The following STPG2 variants were observed in gnomAD, a reference collection of about 807,000 sequenced individuals.
STPG2 encodes sperm-tail PG-rich repeat-containing protein 2.
Under a neutral mutation model 54.2 loss-of-function variants are expected in STPG2, and 56 were observed. The observed-to-expected ratio is 1.03, with a 90% CI of 0.83 to 1.29. STPG2 has a LOEUF of 1.29. Ranked by LOEUF, STPG2 falls within the 50% of genes most tolerant of loss-of-function variation. The probability of loss-of-function intolerance (pLI) is 0.00; values close to 1 mark genes in which losing one functional copy is unlikely to be tolerated. For missense variants in STPG2, 596 were observed against 544.9 expected, an observed-to-expected ratio of 1.09 and a Z score of -0.93; for synonymous variants, 200 against 181.8, an observed-to-expected ratio of 1.10 and a Z score of -0.81.
chr4:97,679,220 G>A (rs1353862130), intron 10 of STPG2, among the ~76,000 whole-genome samples: 1 of 152,174 alleles, frequency 6.6e-6, no homozygotes, highest in African/African-American at 2.4e-5. Context: ...CACAATGGTT[G>A]AACTACTTTA....
At chr4:97,854,168 A>G (rs1360799299) in intron 8 of STPG2, among the ~76,000 whole-genome samples, 1 of 152,204 alleles carries the variant, frequency 6.6e-6, no homozygotes, top group Non-Finnish European at 1.5e-5. Flanking sequence ...AACAACAAAC[A>G]TTTATAGTCT....
At chr4:97,654,865 C>A (rs906762721) in intron 10 of STPG2, among the ~76,000 whole-genome samples, 1 of 151,852 alleles carries the variant, frequency 6.6e-6, no homozygotes, top group Non-Finnish European at 1.5e-5. Context: ...AAATACTGTA[C>A]AGATTAAAAA....
At chr4:97,931,394 G>A (rs1424334752) in intron 8 of STPG2, among the ~76,000 whole-genome samples, 1 of 152,154 alleles carries the variant, frequency 6.6e-6, no homozygotes, top group Non-Finnish European at 1.5e-5. Flanking sequence ...TTAACATGCA[G>A]GCATGTTGAA....
At chr4:98,080,500 C>G (rs1271685305) in intron 5 of STPG2, among the ~76,000 whole-genome samples, 1 of 152,154 alleles carries the variant, frequency 6.6e-6, no homozygotes, top group Non-Finnish European at 1.5e-5. Context: ...GTACCCATGA[C>G]TAAACTTCAT....
At chr4:98,086,010 A>C (rs1181587591) in intron 5 of STPG2, among the ~76,000 whole-genome samples, 1 of 152,148 alleles carries the variant, frequency 6.6e-6, no homozygotes, top group East Asian at 1.9e-4. Flanking sequence ...AAAAAAATTT[A>C]AAACAGAATT....
intron 9 of STPG2, among the ~76,000 whole-genome samples, chr4:97,836,086 G>A (rs1355473120): frequency 2.0e-5 from 3 of 151,996 alleles, no homozygotes; most frequent in Admixed American, 2.0e-4. Context: ...GATAAACTTA[G>A]ATGATAAAAC....
chr4:97,508,210 C>A (rs1361180194), intron 4 of STPG2, among the ~76,000 whole-genome samples: 1 of 151,860 alleles, frequency 6.6e-6, no homozygotes, highest in African/African-American at 2.4e-5. Context: ...TATAGGAAAT[C>A]CAAACAAAAT....
intron 10 of STPG2, among the ~76,000 whole-genome samples, chr4:97,634,430 C>T (rs1721425967): frequency 6.6e-6 from 1 of 152,174 alleles, no homozygotes; most frequent in Non-Finnish European, 1.5e-5. Context: ...AAAATCAGAG[C>T]TCCTCTCCTC....
chr4:97,513,035 C>T (rs1560639108), intron 4 of STPG2, among the ~76,000 whole-genome samples: 1 of 152,100 alleles, frequency 6.6e-6, no homozygotes, highest in Non-Finnish European at 1.5e-5. Context: ...CAGATTGTGG[C>T]CTGTGCTTCT....
At chr4:98,038,544 A>G (rs1413757177) in intron 5 of STPG2, among the ~76,000 whole-genome samples, 1 of 152,066 alleles carries the variant, frequency 6.6e-6, no homozygotes, top group Non-Finnish European at 1.5e-5. Flanking sequence ...AGAATCTCAC[A>G]TCCCATGCAC....
At chr4:97,885,121 A>G (rs1372401546) in intron 8 of STPG2, among the ~76,000 whole-genome samples, 1 of 152,096 alleles carries the variant, frequency 6.6e-6, no homozygotes, top group Non-Finnish European at 1.5e-5. Context: ...TAGAAATTAG[A>G]GCTTATATCA....
At chr4:97,481,462 C>T (rs1298429377) in intron 4 of STPG2, among the ~76,000 whole-genome samples, 2 of 151,492 alleles carry the variant, frequency 1.3e-5, no homozygotes, top group African/African-American at 4.8e-5. Context: ...GGAGAGAATT[C>T]ACATTGCATC....
chr4:97,909,963 T>A (rs1731615924), intron 8 of STPG2, among the ~76,000 whole-genome samples: 1 of 152,168 alleles, frequency 6.6e-6, no homozygotes, highest in Non-Finnish European at 1.5e-5. Flanking sequence ...ATAATAATAT[T>A]CATAGGATTT....
intron 5 of STPG2, chr4:98,025,505 A>G (rs1034404327): frequency 3.1e-5 from 19 of 611,424 alleles, no homozygotes; most frequent in Non-Finnish European, 5.8e-5. Flanking sequence ...GATACAGGAT[A>G]AAAATAAATA....
chr4:97,842,686 G>A (rs2149123214), intron 8 of STPG2, among the ~76,000 whole-genome samples: 1 of 152,000 alleles, frequency 6.6e-6, no homozygotes, highest in Middle Eastern at 3.4e-3. Flanking sequence ...AACTGCATCA[G>A]TGATCAGTGT....
chr4:97,444,318 G>T (rs912286035), intron 4 of STPG2, among the ~76,000 whole-genome samples: 2 of 152,106 alleles, frequency 1.3e-5, no homozygotes, highest in Admixed American at 6.6e-5. Flanking sequence ...ACACCAAGGA[G>T]AATTGGGGCA....
intron 5 of STPG2, among the ~76,000 whole-genome samples, chr4:98,102,495 A>T (rs1360584189): frequency 7.0e-6 from 1 of 142,160 alleles, no homozygotes; most frequent in Non-Finnish European, 1.5e-5. Flanking sequence ...TTCATCATCC[A>T]TTCTTTCTTC....
At chr4:97,479,997 C>T (rs926856386) in intron 4 of STPG2, among the ~76,000 whole-genome samples, 5 of 151,712 alleles carry the variant, frequency 3.3e-5, no homozygotes, top group African/African-American at 1.2e-4. Context: ...ATTTTGCACA[C>T]TTGTAATAAA....
In STPG2 at chr4:98,024,293, A is replaced by G. The variant is rs1263645593; in HGVS notation, c.613-42975T>C. ...GAAACTCCTATTCTCCCATCATGCT[A>G]TCATCATTCCTCTTGTCTAGTAGTT... On this transcript the variant is annotated intron_variant, in intron 5 of 10. Transcript: ENST00000295268. Among the ~76,000 whole-genome samples the G allele has an allele frequency of 2.6e-5, 4 of 152,314 alleles. No homozygotes were observed. In the South Asian group the frequency reaches 6.2e-4, roughly 24 times the overall value.
Sources: allele counts gnomAD v4.1 joint callset (sites outside exome capture counted in the v4.1 genomes callset), GRCh38; gene constraint gnomAD v4.1.1; transcripts MANE v1.5; gene names NCBI Gene and HGNC (gene_info 2026-07-23, HGNC 2026-07-21).